The following SIPA1L1 variants were observed in gnomAD, a reference collection of about 807,000 sequenced individuals.
SIPA1L1 encodes the protein signal induced proliferation associated 1 like 1.
A neutral mutation model predicts 162.7 loss-of-function variants in SIPA1L1; 26 were observed. The observed-to-expected ratio is 0.16, with a 90% CI of 0.12 to 0.22. The LOEUF (loss-of-function observed/expected upper bound fraction) is 0.22, where lower values mean the gene tolerates loss of function less well. Ranked by LOEUF, SIPA1L1 falls within the 10% of genes least tolerant of loss-of-function variation. SIPA1L1 has a pLI of 1.00. For missense variants in SIPA1L1, 1,874 were observed against 2,241.0 expected (o/e 0.84, Z 3.31); for synonymous variants, 829 against 837.4 (o/e 0.99, Z 0.17).
chr14:71,589,823 T>G (rs1015379233), intron 5 of SIPA1L1, among the ~76,000 whole-genome samples: 2 of 151,866 alleles, frequency 1.3e-5, no homozygotes, highest in East Asian at 3.9e-4. Flanking sequence ...CATCAGTAGG[T>G]GGTAATTATA....
At chr14:71,630,660 A>C (rs986335783) in intron 7 of SIPA1L1, among the ~76,000 whole-genome samples, 1 of 152,142 alleles carries the variant, frequency 6.6e-6, no homozygotes, top group Non-Finnish European at 1.5e-5. Context: ...TGGTCCCAAA[A>C]TCAAAGCAGT....
intron 2 of SIPA1L1, among the ~76,000 whole-genome samples, chr14:71,500,595 C>G (rs148195499): frequency 1.4e-3 from 210 of 152,266 alleles, no homozygotes; most frequent in Non-Finnish European, 2.5e-3. Flanking sequence ...GTTCCACTAC[C>G]AGGTGTACAG....
At chr14:71,440,827 G>A (rs1346408840) in intron 2 of SIPA1L1, among the ~76,000 whole-genome samples, 1 of 152,028 alleles carries the variant, frequency 6.6e-6, no homozygotes, top group Non-Finnish European at 1.5e-5. Flanking sequence ...GACTTGGAGT[G>A]CCTAATCAAA....
chr14:71,419,401 C>G (rs1262483350), intron 2 of SIPA1L1, among the ~76,000 whole-genome samples: 1 of 149,360 alleles, frequency 6.7e-6, no homozygotes, highest in Non-Finnish European at 1.5e-5. Context: ...CTGTTCTGGC[C>G]TGAAATGAAA....
chr14:71,504,391 A>C (rs573592942), intron 2 of SIPA1L1, among the ~76,000 whole-genome samples: 1 of 152,336 alleles, frequency 6.6e-6, no homozygotes, highest in East Asian at 1.9e-4. Flanking sequence ...AAATGTTCAC[A>C]GTTTCCTATT....
At chr14:71,651,170 A>G (rs1177495423) in intron 8 of SIPA1L1, among the ~76,000 whole-genome samples, 1 of 152,204 alleles carries the variant, frequency 6.6e-6, no homozygotes, top group Non-Finnish European at 1.5e-5. Flanking sequence ...TCAAATGCCT[A>G]TTTTGGTTAG....
intron 2 of SIPA1L1, among the ~76,000 whole-genome samples, chr14:71,509,554 C>T (rs577338030): frequency 9.9e-5 from 15 of 152,076 alleles, no homozygotes; most frequent in East Asian, 3.9e-4. Flanking sequence ...ACCAGCCTGG[C>T]CAACATAGTG....
At chr14:71,720,440 G>A (rs2083620536) in intron 17 of SIPA1L1, among the ~76,000 whole-genome samples, 1 of 152,064 alleles carries the variant, frequency 6.6e-6, no homozygotes, top group Non-Finnish European at 1.5e-5. Context: ...AATTAGCTGG[G>A]CATGGTGGCG....
At chr14:71,704,257 A>AT (rs2082288462) in intron 15 of SIPA1L1, among the ~76,000 whole-genome samples, 1 of 152,194 alleles carries the variant, frequency 6.6e-6, no homozygotes, top group African/African-American at 2.4e-5. Context: ...TAATTGTTGC[A>AT]TTTTTATTAC....
At chr14:71,471,118 A>G (rs2047419645) in intron 2 of SIPA1L1, among the ~76,000 whole-genome samples, 1 of 151,828 alleles carries the variant, frequency 6.6e-6, no homozygotes, top group Non-Finnish European at 1.5e-5. Context: ...TGCTGGGATT[A>G]CAGGCGTGAG....
chr14:71,677,850 A>G (rs1204590791), intron 12 of SIPA1L1, among the ~76,000 whole-genome samples: 2 of 152,360 alleles, frequency 1.3e-5, no homozygotes, highest in African/African-American at 4.8e-5. Context: ...TTTTGGTACC[A>G]GTACCATGCT....
intron 3 of SIPA1L1, among the ~76,000 whole-genome samples, chr14:71,513,464 A>G (rs2051372075): frequency 6.6e-6 from 1 of 152,124 alleles, no homozygotes; most frequent in Admixed American, 6.6e-5. Flanking sequence ...ACATACAGAC[A>G]TGGAAATAGA....
intron 4 of SIPA1L1, among the ~76,000 whole-genome samples, chr14:71,530,561 A>G (rs1476377860): frequency 3.9e-5 from 6 of 152,216 alleles, no homozygotes; most frequent in African/African-American, 2.4e-5. Flanking sequence ...TATAAAAAGC[A>G]TATAAGGCAT....
At chr14:71,639,465 C>T (rs1001297771) in intron 7 of SIPA1L1, among the ~76,000 whole-genome samples, 9 of 152,024 alleles carry the variant, frequency 5.9e-5, no homozygotes, top group African/African-American at 1.9e-4. Flanking sequence ...AAATTGAGAG[C>T]GTTAACATAT....
intron 19 of SIPA1L1, among the ~76,000 whole-genome samples, chr14:71,726,367 C>A (rs1006627847): frequency 1.3e-5 from 2 of 152,132 alleles, no homozygotes; most frequent in Non-Finnish European, 2.9e-5. Flanking sequence ...TGTTCAAGTA[C>A]CAGTTCAAAA....
Position 71,627,131 on chromosome 14 carries a change from C to CTTTTTTTTTTTTTTTTTTTTTTT in SIPA1L1, c.1818+2916_1818+2938dup, listed in dbSNP as rs71105788. ...TGATGCCTTTCTGGGACTTTCACTA[C>CTTTTTTTTTTTTTTTTTTTTTTT]TTTTTTTTTTTTTTTTTTTTTTTTT... On this transcript the variant is annotated intron_variant, in intron 7 of 23. Transcript: ENST00000381232. Among the ~76,000 whole-genome samples the CTTTTTTTTTTTTTTTTTTTTTTT allele has an allele frequency of 8.2e-5, 4 of 48,788 alleles. 1 individual carries two copies. Among genetic ancestry groups the CTTTTTTTTTTTTTTTTTTTTTTT allele is most frequent in the African/African-American group, 1.6e-4 (2 of 12,126 alleles). The allele number at this position is 48,788 out of a possible 152,430, so 32.0% of individuals were successfully genotyped here. A position where few individuals can be genotyped will look rare whatever the true frequency, so the allele number is the denominator to read the frequency against.
At chr14:71,659,818 A>G (rs990125811) in intron 9 of SIPA1L1, among the ~76,000 whole-genome samples, 1 of 152,170 alleles carries the variant, frequency 6.6e-6, no homozygotes, top group East Asian at 1.9e-4. Flanking sequence ...TTTGGAGTCC[A>G]ATCAAGGCAA....
chr14:71,417,125 T>G (rs1008338103), intron 2 of SIPA1L1, among the ~76,000 whole-genome samples: 2 of 152,014 alleles, frequency 1.3e-5, no homozygotes, highest in Non-Finnish European at 2.9e-5. Flanking sequence ...ACCAATAACA[T>G]GAACAGTTGA....
intron 7 of SIPA1L1, among the ~76,000 whole-genome samples, chr14:71,633,231 G>A (rs1034408934): frequency 3.3e-5 from 5 of 152,130 alleles, no homozygotes; most frequent in African/African-American, 1.2e-4. Flanking sequence ...CTTGATTTCG[G>A]CTCACTGCAA....
Sources: allele counts gnomAD v4.1 joint callset (sites outside exome capture counted in the v4.1 genomes callset), GRCh38; gene constraint gnomAD v4.1.1; transcripts MANE v1.5; gene names NCBI Gene and HGNC (gene_info 2026-07-23, HGNC 2026-07-21).